ULK4: variants seen among roughly 807,000 people sequenced by gnomAD.
ULK4 encodes inactive serine/threonine-protein kinase ULK4.
A neutral mutation model predicts 160.6 loss-of-function variants in ULK4; 133 were observed. That is an observed-to-expected ratio of 0.83 (90% CI 0.72 to 0.96). The LOEUF (loss-of-function observed/expected upper bound fraction) is 0.96. Among genes scored for constraint, ULK4 ranks in the 40% least tolerant of loss-of-function variants. The probability of loss-of-function intolerance (pLI) is 0.00; values close to 1 mark genes in which losing one functional copy is unlikely to be tolerated. For synonymous variants in ULK4, 534 were observed against 539.8 expected, an observed-to-expected ratio of 0.99 and a Z score of 0.15; for missense variants, 1,580 against 1,499.5, an observed-to-expected ratio of 1.05 and a Z score of -0.89.
intron 32 of ULK4, among the ~76,000 whole-genome samples, chr3:41,470,612 T>C (rs577233076): frequency 9.9e-5 from 15 of 152,258 alleles, no homozygotes; most frequent in African/African-American, 3.6e-4. Context: ...TTACTCCTAG[T>C]GTGAGGGTTC....
chr3:41,733,696 A>G (rs2037914009), intron 22 of ULK4, among the ~76,000 whole-genome samples: 1 of 150,098 alleles, frequency 6.7e-6, no homozygotes, highest in East Asian at 1.9e-4. Flanking sequence ...CATATAATCA[A>G]GATTGCCTTG....
intron 21 of ULK4, among the ~76,000 whole-genome samples, chr3:41,766,229 C>T (rs572091001): frequency 1.1e-4 from 16 of 147,606 alleles, no homozygotes; most frequent in African/African-American, 3.9e-4. Flanking sequence ...AATCACGCCA[C>T]TGCACTCCAG....
At chr3:41,455,987 G>A (rs1039129419) in intron 33 of ULK4, among the ~76,000 whole-genome samples, 4 of 152,080 alleles carry the variant, frequency 2.6e-5, no homozygotes, top group African/African-American at 9.7e-5. Flanking sequence ...TCAGCTCACT[G>A]CAACCTCTGC....
intron 35 of ULK4, among the ~76,000 whole-genome samples, chr3:41,373,156 A>G (rs1390565499): frequency 6.6e-6 from 1 of 152,226 alleles, no homozygotes; most frequent in Non-Finnish European, 1.5e-5. Context: ...TTAGAGACCT[A>G]CAAAGAGACT....
intron 34 of ULK4, among the ~76,000 whole-genome samples, chr3:41,410,622 T>C (rs1056938278): frequency 2.9e-5 from 4 of 136,838 alleles, no homozygotes; most frequent in Non-Finnish European, 6.2e-5. Flanking sequence ...TATTGAATTA[T>C]GTACTTTTGA....
intron 19 of ULK4, among the ~76,000 whole-genome samples, chr3:41,817,326 T>C (rs1387394344): frequency 6.6e-6 from 1 of 152,194 alleles, no homozygotes; most frequent in Non-Finnish European, 1.5e-5. Flanking sequence ...TCTGTATTCA[T>C]TCATCCACTG....
chr3:41,625,028 T>C (rs2033434001), intron 30 of ULK4, among the ~76,000 whole-genome samples: 1 of 152,192 alleles, frequency 6.6e-6, no homozygotes, highest in Non-Finnish European at 1.5e-5. Context: ...TAATTTCAAC[T>C]GACGGATGTT....
intron 34 of ULK4, among the ~76,000 whole-genome samples, chr3:41,413,971 G>A (rs973910644): frequency 4.6e-5 from 7 of 152,304 alleles, no homozygotes; most frequent in African/African-American, 1.4e-4. Flanking sequence ...TTGGGAGGCC[G>A]AGGCAGGCGG....
rs57224854 is a variant in ULK4 at position 41,412,553 on chromosome 3, A to ATTTTTTTTTTT, written c.3493-14300_3493-14290dup. On this transcript the variant is annotated intron_variant, in intron 34 of 36. Coordinates refer to ENST00000301831, the MANE Select transcript of ULK4 (RefSeq NM_017886.4). ...TAAAGGTCAATGGCAATGCAGTTGA[A>ATTTTTTTTTTT]TTTTTTTTTTTTTTTTTTTTTTTTT... Among the ~76,000 whole-genome samples, 712 of 100,324 alleles carry ATTTTTTTTTTT rather than the reference A, an allele frequency of 7.1e-3. 51 individuals are homozygous for ATTTTTTTTTTT. Among genetic ancestry groups the ATTTTTTTTTTT allele is most frequent in the African/African-American group, 0.027 (650 of 23,990 alleles). 65.8% of individuals were successfully genotyped at this position (100,324 alleles called of 152,430 possible). A position where few individuals can be genotyped will look rare whatever the true frequency, so the allele number is the denominator to read the frequency against.
intron 32 of ULK4, among the ~76,000 whole-genome samples, chr3:41,548,344 T>G (rs1402124971): frequency 6.6e-6 from 1 of 151,912 alleles, no homozygotes; most frequent in Non-Finnish European, 1.5e-5. Flanking sequence ...CAATCCCCAG[T>G]GCCCGTACAT....
chr3:41,677,989 C>G (rs1320767271), intron 29 of ULK4, among the ~76,000 whole-genome samples: 6 of 152,054 alleles, frequency 3.9e-5, no homozygotes, highest in African/African-American at 1.4e-4. Context: ...TGAACTGGGA[C>G]ACAGGTCTTT....
intron 21 of ULK4, among the ~76,000 whole-genome samples, chr3:41,781,339 C>T (rs1353352863): frequency 2.6e-5 from 4 of 151,054 alleles, no homozygotes; most frequent in Non-Finnish European, 4.4e-5. Flanking sequence ...ATGGCGTGAA[C>T]CCAGGAGGCG....
chr3:41,276,967 A>G (rs1370315622), intron 35 of ULK4, among the ~76,000 whole-genome samples: 1 of 152,228 alleles, frequency 6.6e-6, no homozygotes, highest in Non-Finnish European at 1.5e-5. Context: ...ACAAAAGGCT[A>G]CTATGAACAC....
At chr3:41,368,712 C>A (rs1471605821) in intron 35 of ULK4, among the ~76,000 whole-genome samples, 1 of 152,172 alleles carries the variant, frequency 6.6e-6, no homozygotes, top group Non-Finnish European at 1.5e-5. Flanking sequence ...TAGCATGTAT[C>A]AGTACTTCAT....
chr3:41,935,728 TAAC>T (rs1310759625), intron 4 of ULK4, 70 bp downstream of exon 4: 49 of 1,493,656 alleles, frequency 3.3e-5, no homozygotes, highest in Middle Eastern at 2.3e-4. Flanking sequence ...TATCCAAAAA[TAAC>T]AACATCTTTG....
At chr3:41,732,559 G>C (rs1474706198) in intron 22 of ULK4, among the ~76,000 whole-genome samples, 1 of 152,028 alleles carries the variant, frequency 6.6e-6, no homozygotes, top group African/African-American at 2.4e-5. Flanking sequence ...AAAACAGTAT[G>C]GGGGTACTCA....
At chr3:41,761,767 G>T (rs2038992102) in intron 21 of ULK4, among the ~76,000 whole-genome samples, 1 of 151,972 alleles carries the variant, frequency 6.6e-6, no homozygotes, top group African/African-American at 2.4e-5. Flanking sequence ...TAATTTTTAT[G>T]ATTACAATGC....
At chr3:41,273,463 G>A (rs2079173537) in intron 35 of ULK4, among the ~76,000 whole-genome samples, 1 of 152,122 alleles carries the variant, frequency 6.6e-6, no homozygotes, top group Admixed American at 6.5e-5. Flanking sequence ...GCACTGATCA[G>A]TACTGCTGAA....
intron 35 of ULK4, among the ~76,000 whole-genome samples, chr3:41,317,061 C>CTCTTTTTTTT (rs1170201981): frequency 1.1e-5 from 1 of 92,140 alleles, no homozygotes; most frequent in Non-Finnish European, 2.2e-5. Flanking sequence ...GCAATTACAT[C>CTCTTTTTTTT]TATTTTTTTT....
Sources: gnomAD v4.1 joint callset for allele counts (sites outside exome capture counted in the v4.1 genomes callset) on GRCh38, gnomAD v4.1.1 for gene constraint, MANE v1.5 for transcripts, NCBI Gene and HGNC (gene_info 2026-07-23, HGNC 2026-07-21) for gene names.